The following NLRP9 variants were observed in gnomAD, a reference collection of about 807,000 sequenced individuals.
NLRP9 encodes NACHT, LRR and PYD domains-containing protein 9.
Under a neutral mutation model 83.1 loss-of-function variants are expected in NLRP9, and 88 were observed. The ratio of observed to expected loss-of-function variants is 1.06; its 90% CI spans 0.89 to 1.26. The LOEUF is 1.26. NLRP9 is among the 50% of genes most tolerant of loss of function. The pLI, the probability that NLRP9 is intolerant of heterozygous loss-of-function variation, is 0.00. For synonymous variants in NLRP9, 521 were observed against 447.6 expected (o/e 1.16, Z -2.07); for missense variants, 1,308 against 1,179.3 (o/e 1.11, Z -1.60).
chr19:55,714,532 CT>C (rs1350695309), intron 6 of NLRP9, among the ~76,000 whole-genome samples: 1 of 150,646 alleles, frequency 6.6e-6, no homozygotes, highest in Non-Finnish European at 1.5e-5. Flanking sequence ...CTTACAACTC[CT>C]TCCCACTGAA....
At chr19:55,711,732 G>A (rs1015880196) in intron 8 of NLRP9, 68 bp downstream of exon 8, 1 of 1,498,262 alleles carries the variant, frequency 6.7e-7, no homozygotes, top group African/African-American at 1.4e-5. Flanking sequence ...TGTCGCGGTT[G>A]AGCAAATGGC....
chr19:55,734,518 C>T (rs924492992), intron 1 of NLRP9, among the ~76,000 whole-genome samples: 3 of 89,096 alleles, frequency 3.4e-5, no homozygotes, highest in Admixed American at 1.1e-4. Context: ...CATATATATA[C>T]ACACACACAT....
chr19:55,718,108 C>T (rs537058127), intron 4 of NLRP9, among the ~76,000 whole-genome samples: 4 of 152,168 alleles, frequency 2.6e-5, no homozygotes, highest in South Asian at 4.1e-4. Context: ...CCTTGTTAAC[C>T]ATATGTTTGC....
At chr19:55,717,453 G>T (rs917467937) in intron 4 of NLRP9, among the ~76,000 whole-genome samples, 1 of 152,174 alleles carries the variant, frequency 6.6e-6, no homozygotes, top group African/African-American at 2.4e-5. Flanking sequence ...GGGGTGATTT[G>T]CCCTAATGGA....
intron 1 of NLRP9, 53 bp from the exon 2 acceptor site, chr19:55,733,603 A>C (rs1489197072): frequency 3.8e-6 from 4 of 1,064,900 alleles, no homozygotes; most frequent in Non-Finnish European, 5.5e-6. Context: ...TCATTCTTTT[A>C]TACTTCTGAG....
chr19:55,711,947 C>T lies in NLRP9; in HGVS notation c.2696G>A (p.Arg899His), dbSNP rs199518376. 6.8e-6 allele frequency: 11 copies of T among 1,613,010 alleles called. No individual in the cohort carries two copies. The highest frequency in any genetic ancestry group is 6.7e-5 in the East Asian group (3 of 44,868). The change falls in exon 8 of 9, where the codon CGT (arginine) becomes CAT (histidine). Residue 899 changes from arginine to histidine, a missense_variant. Physicochemically the swap from Arg to His is conservative, Grantham distance 29. Coordinates refer to ENST00000332836, the MANE Select transcript of NLRP9 (RefSeq NM_176820.4). Reference protein sequence around the residue: ...CLGLQTCPITRACCDDIAAAL... With the variant: ...CLGLQTCPITHACCDDIAAAL... Reference sequence around the variant, plus strand: ...TGCGGCGATGTCGTCGCAGCAGGCACGGGTGATCGGACACGTTTGCAGCCT... The same window carrying T: ...TGCGGCGATGTCGTCGCAGCAGGCATGGGTGATCGGACACGTTTGCAGCCT...
chr19:55,735,453 TAAAGAG>T (rs1467364081), intron 1 of NLRP9, among the ~76,000 whole-genome samples: 1 of 152,090 alleles, frequency 6.6e-6, no homozygotes, highest in Non-Finnish European at 1.5e-5. Context: ...AATATGCAGA[TAAAGAG>T]AAAGGAAATA....
chr19:55,711,766 G>A, intron 8 of NLRP9, 34 bp downstream of exon 8: 6 of 1,602,504 alleles, frequency 3.7e-6, no homozygotes, highest in Non-Finnish European at 5.1e-6. Flanking sequence ...TCGTTCTGAA[G>A]TCACTCACCC....
intron 4 of NLRP9, among the ~76,000 whole-genome samples, chr19:55,721,077 G>T (rs370992981): frequency 6.6e-6 from 1 of 152,178 alleles, no homozygotes; most frequent in Admixed American, 6.5e-5. Context: ...GAAGCCTCTG[G>T]TTAAAAGATA....
intron 5 of NLRP9, among the ~76,000 whole-genome samples, chr19:55,716,092 G>T (rs1600129119): frequency 1.3e-5 from 2 of 152,074 alleles, no homozygotes; most frequent in South Asian, 4.1e-4. Flanking sequence ...TAATCACAAT[G>T]TACCGTATAC....
intron 8 of NLRP9, chr19:55,711,396 T>C: frequency 2.4e-6 from 3 of 1,265,150 alleles, no homozygotes; most frequent in Non-Finnish European, 3.1e-6. Context: ...TTGGCGAATG[T>C]ATTTCTGAAT....
intron 4 of NLRP9, among the ~76,000 whole-genome samples, chr19:55,721,095 A>G (rs1458060480): frequency 6.6e-6 from 1 of 152,232 alleles, no homozygotes; most frequent in Non-Finnish European, 1.5e-5. Context: ...ATACTGATTA[A>G]GTCTAGTTTC....
chr19:55,709,590 C>G (rs1987620903), intron 8 of NLRP9: 1 of 152,244 alleles, frequency 6.6e-6, no homozygotes, highest in African/African-American at 2.4e-5. Flanking sequence ...TGTCATTGTC[C>G]CCTGAACCCA....
Position 55,708,776 on chromosome 19 carries a change from T to TA in NLRP9, c.*135dup. On this transcript the variant is annotated 3_prime_UTR_variant, in exon 9 of 9. Coordinates refer to ENST00000332836, the MANE Select transcript of NLRP9 (RefSeq NM_176820.4). ...GAATCACACTCCATAATCATATTGCTAGAACACTTAGGGAGTACCTCTGAA... is the reference window on the plus strand; with the variant it reads ...GAATCACACTCCATAATCATATTGCTAAGAACACTTAGGGAGTACCTCTGAA... 1.7e-6 allele frequency: 1 copy of TA among 592,018 alleles called. No homozygotes were observed. Among genetic ancestry groups the TA allele is most frequent in the Non-Finnish European group, 2.9e-6 (1 of 342,170 alleles). 36.7% of individuals were successfully genotyped at this position (592,018 alleles called of 1,614,324 possible). A position where few individuals can be genotyped will look rare whatever the true frequency, so the allele number is the denominator to read the frequency against.
intron 1 of NLRP9, among the ~76,000 whole-genome samples, chr19:55,736,807 C>CT (rs1423864857): frequency 6.6e-6 from 1 of 151,746 alleles, no homozygotes; most frequent in African/African-American, 2.4e-5. Flanking sequence ...GCCCTCCAAC[C>CT]TGGGCAACAG....
At chr19:55,718,584 C>G (rs530866467) in intron 4 of NLRP9, among the ~76,000 whole-genome samples, 1 of 152,324 alleles carries the variant, frequency 6.6e-6, no homozygotes, top group South Asian at 2.1e-4. Context: ...CATACGGGCA[C>G]AGTACCTTTC....
chr19:55,733,202 G>C lies in NLRP9; in HGVS notation c.629C>G (p.Ser210Ter). 1 of 1,613,774 alleles carries C rather than the reference G, an allele frequency of 6.2e-7. No homozygotes were observed. Among genetic ancestry groups the C allele is most frequent in the Non-Finnish European group, 8.5e-7 (1 of 1,179,810 alleles). Residue 210 changes from serine to a stop codon, truncating the protein, a stop_gained, in exon 2 of 9, where the codon TCA becomes TGA. Coordinates refer to ENST00000332836, the MANE Select transcript of NLRP9 (RefSeq NM_176820.4). LOFTEE classifies it high-confidence loss of function. The stretch of plus-strand genomic sequence containing the variant: ...GGAAAAAATGTCTTCGATCTTCTCT[G>C]AAGACTCCGGCCAGTCCCTAGAGAG... ...ELLSRDWPESSEKIEDIFSQP... is the reference protein window; with the variant it reads ...ELLSRDWPES
At chr19:55,734,202 C>T (rs914525829) in intron 1 of NLRP9, among the ~76,000 whole-genome samples, 2 of 151,598 alleles carry the variant, frequency 1.3e-5, no homozygotes, top group East Asian at 1.9e-4. Flanking sequence ...GGATTACAGG[C>T]GTGAGCCACC....
At chr19:55,711,562 G>T in intron 8 of NLRP9, 1 of 1,069,730 alleles carries the variant, frequency 9.3e-7, no homozygotes, top group Non-Finnish European at 1.3e-6. Flanking sequence ...AGCTCTTTTT[G>T]ATTGTCACAA....
Sources: allele counts gnomAD v4.1 joint callset (sites outside exome capture counted in the v4.1 genomes callset), GRCh38; gene constraint gnomAD v4.1.1; transcripts MANE v1.5; gene names NCBI Gene and HGNC (gene_info 2026-07-23, HGNC 2026-07-21).